The following C4orf50 variants were observed in gnomAD, a reference collection of about 807,000 sequenced individuals.
C4orf50 encodes chromosome 4 open reading frame 50.
C4orf50 carries 80 observed loss-of-function variants against 77.2 expected under a neutral mutation model. The observed-to-expected ratio is 1.04, with a 90% CI of 0.87 to 1.25. C4orf50 has a LOEUF of 1.25. Ranked by LOEUF, C4orf50 falls within the 50% of genes most tolerant of loss-of-function variation. The pLI is 0.00. For missense variants in C4orf50, 1,257 were observed against 1,152.9 expected (o/e 1.09, Z -1.31); for synonymous variants, 532 against 465.3 (o/e 1.14, Z -1.84).
chr4:5,982,888 G>A (rs1204187413), intron 28 of C4orf50, among the ~76,000 whole-genome samples: 3 of 152,110 alleles, frequency 2.0e-5, no homozygotes, highest in African/African-American at 7.2e-5. Context: ...AAGAATGAGG[G>A]CAGAGGTGGC....
At chr4:5,977,441 A>C (rs1429259492) in intron 29 of C4orf50, among the ~76,000 whole-genome samples, 2 of 152,232 alleles carry the variant, frequency 1.3e-5, no homozygotes, top group Non-Finnish European at 2.9e-5. Flanking sequence ...TCATAATTAA[A>C]TAATATGCAA....
At position 5,970,770 on chromosome 4, in the gene C4orf50, A is replaced by T. The variant is rs1336999997; in HGVS notation, c.4104+2889T>A. Among the ~76,000 whole-genome samples, 2 of 152,190 alleles carry T rather than the reference A, an allele frequency of 1.3e-5. No homozygotes were observed. Among genetic ancestry groups the T allele is most frequent in the Non-Finnish European group, 2.9e-5 (2 of 68,020 alleles). The stretch of plus-strand genomic sequence containing the variant: ...ACCTCCTCCTGAAAGGGTAGAGCTT[A>T]GTGGCCTCAGCCCAAGGCCCAGCCC... On this transcript the variant is annotated intron_variant, in intron 31 of 33. Transcript: ENST00000531445. This position sits in a 1 kb window ranked among gnomAD's most constrained non-coding sequence, Gnocchi z 4.3.
downstream of C4orf50, among the ~76,000 whole-genome samples, chr4:5,953,718 G>T (rs559378400): frequency 2.6e-5 from 4 of 152,154 alleles, no homozygotes; most frequent in African/African-American, 7.2e-5. Flanking sequence ...CTGCTGGGGG[G>T]CCTGGGGGAC....
chr4:5,948,168 A>G (rs1295918038), intron 7 of C4orf50, among the ~76,000 whole-genome samples: 2 of 152,212 alleles, frequency 1.3e-5, no homozygotes, highest in Non-Finnish European at 2.9e-5. Flanking sequence ...AGACTGAGAG[A>G]GCAAGGCTCA....
intron 7 of C4orf50, chr4:5,898,661 A>G (rs1340301364): frequency 6.6e-6 from 1 of 152,224 alleles, no homozygotes; most frequent in Non-Finnish European, 1.5e-5. Context: ...TCAATGTCCT[A>G]TCTACAAATA....
At chr4:5,935,928 G>A (rs1172738872) in intron 7 of C4orf50, among the ~76,000 whole-genome samples, 1 of 151,548 alleles carries the variant, frequency 6.6e-6, no homozygotes, top group African/African-American at 2.4e-5. Context: ...TAGAACTATT[G>A]AATAGAGACC....
chr4:5,987,240 G>A lies in C4orf50; in HGVS notation c.3699+1107C>T, dbSNP rs373899459. ...AGCCTGGGCAACATGGGGAAACCCCGTCTCTACTAAAATACAAAAAACTAG... is the reference window on the plus strand; with the variant it reads ...AGCCTGGGCAACATGGGGAAACCCCATCTCTACTAAAATACAAAAAACTAG... On this transcript the variant is annotated intron_variant, in intron 28 of 33. Transcript: ENST00000531445. Among the ~76,000 whole-genome samples, 13 of 151,606 alleles carry A rather than the reference G, an allele frequency of 8.6e-5. No homozygotes were observed. In the East Asian group the frequency reaches 9.8e-4, roughly 11 times the overall value.
exon 29 of C4orf50, chr4:5,980,330 G>C (rs1327860636): frequency 6.2e-7 from 1 of 1,609,700 alleles, no homozygotes; most frequent in East Asian, 2.2e-5. Flanking sequence ...CGGCCTCTGA[G>C]TCCCGGAGCT....
intron 7 of C4orf50, among the ~76,000 whole-genome samples, chr4:5,924,318 C>A (rs550440868): frequency 1.3e-5 from 2 of 152,152 alleles, no homozygotes; most frequent in Non-Finnish European, 2.9e-5. Context: ...CCAAAATAGT[C>A]GATTTCTGAT....
chr4:5,967,443 A>G (rs767934241), exon 32 of C4orf50: 1 of 1,614,054 alleles, frequency 6.2e-7, no homozygotes, highest in Admixed American at 1.7e-5. Context: ...CTCAGACTTG[A>G]CGTCCAGGTG....
chr4:5,912,589 A>T (rs373105594), intron 7 of C4orf50, among the ~76,000 whole-genome samples: 1 of 152,196 alleles, frequency 6.6e-6, no homozygotes, highest in Non-Finnish European at 1.5e-5. Flanking sequence ...TTAATAGGGT[A>T]TGGTAATGTG....
At chr4:6,012,268 T>C (rs903312881) in intron 23 of C4orf50, among the ~76,000 whole-genome samples, 1 of 152,044 alleles carries the variant, frequency 6.6e-6, no homozygotes, top group African/African-American at 2.4e-5. Context: ...TGAGCTTGAG[T>C]CATTTAGGCT....
chr4:5,923,965 C>A (rs1002267880), intron 7 of C4orf50, among the ~76,000 whole-genome samples: 1 of 152,132 alleles, frequency 6.6e-6, no homozygotes, highest in Non-Finnish European at 1.5e-5. Context: ...AGTCTTCCAG[C>A]CTTCATCTTT....
exon 28 of C4orf50, chr4:5,988,621 T>C (rs1438666365): frequency 6.5e-7 from 1 of 1,536,084 alleles, no homozygotes; most frequent in African/African-American, 1.4e-5. Context: ...TGAAAGCAGC[T>C]GTCCTGTGAG....
At position 5,975,956 on chromosome 4, in the gene C4orf50, C is replaced by T. The variant is rs770462697; in HGVS notation, c.3865-1G>A. The T allele has an allele frequency of 1.2e-6, 2 of 1,613,494 alleles. No individual in the cohort carries two copies. The highest frequency in any genetic ancestry group is 4.5e-5 in the East Asian group (2 of 44,896). ...GTTGCTTTTTCTGAAGTTCTTCAAG[C>T]TGAAATAAAAGCGACATTTTTGACA... On this transcript the variant is annotated splice_acceptor_variant, in intron 29 of 33. Transcript: ENST00000531445. LOFTEE classifies it high-confidence loss of function.
At position 5,970,548 on chromosome 4, in the gene C4orf50, G is replaced by A. The variant is rs1231029470; in HGVS notation, c.4105-3086C>T. On this transcript the variant is annotated intron_variant, in intron 31 of 33. Transcript: ENST00000531445. The surrounding 1 kb of genome is among the most constrained non-coding windows in gnomAD (Gnocchi z 4.3). The stretch of plus-strand genomic sequence containing the variant: ...ACAGCAGATGCCAGCACAGACAGCG[G>A]TGCTGGGACCCGTGGCCCCCAGCCC... Among the ~76,000 whole-genome samples the A allele has an allele frequency of 6.6e-6, 1 of 152,152 alleles. No individual in the cohort carries two copies. The highest frequency in any genetic ancestry group is 1.5e-5 in the Non-Finnish European group (1 of 68,022).
intron 25 of C4orf50, among the ~76,000 whole-genome samples, chr4:5,996,565 CT>C (rs1181413148): frequency 6.6e-6 from 1 of 152,154 alleles, no homozygotes; most frequent in East Asian, 1.9e-4. Flanking sequence ...ACCTCCTCCC[CT>C]TCTGGGACCT....
At chr4:5,997,431 T>C (rs993876189) in intron 25 of C4orf50, among the ~76,000 whole-genome samples, 3 of 152,192 alleles carry the variant, frequency 2.0e-5, no homozygotes, top group African/African-American at 4.8e-5. Context: ...AGTTTACCCC[T>C]TCATGTCACA....
chr4:5,980,411 AC>A (rs1720516816), intron 28 of C4orf50, 73 bp from the exon 7 acceptor site: 5 of 1,354,380 alleles, frequency 3.7e-6, no homozygotes, highest in Non-Finnish European at 4.0e-6. Flanking sequence ...AACAAACGGT[AC>A]CCGTTTCCCC....
Sources: gnomAD v4.1 joint callset for allele counts (sites outside exome capture counted in the v4.1 genomes callset) on GRCh38, gnomAD v4.1.1 for gene constraint, Gnocchi (gnomAD v3.1) non-coding constraint, MANE v1.5 for transcripts, NCBI Gene and HGNC (gene_info 2026-07-23, HGNC 2026-07-21) for gene names.